LRCH3: variants seen among roughly 807,000 people sequenced by gnomAD.
LRCH3 encodes leucine rich repeats and calponin homology domain containing 3.
Under a neutral mutation model 104.5 loss-of-function variants are expected in LRCH3, and 68 were observed. The observed-to-expected ratio is 0.65, with a 90% CI of 0.54 to 0.80. The LOEUF (loss-of-function observed/expected upper bound fraction) is 0.80. Among genes scored for constraint, LRCH3 ranks in the 30% least tolerant of loss-of-function variants. LRCH3 has a pLI of 0.00. For missense variants in LRCH3, 951 were observed against 953.9 expected (o/e 1.00, Z 0.04); for synonymous variants, 344 against 361.3 (o/e 0.95, Z 0.54).
intron 9 of LRCH3, 81 bp downstream of exon 9, chr3:197,835,903 A>C: frequency 6.9e-7 from 1 of 1,446,936 alleles, no homozygotes; most frequent in Non-Finnish European, 9.4e-7. Flanking sequence ...TTGTTATATC[A>C]GTGATTTGTT....
chr3:197,834,887 T>C lies in LRCH3; in HGVS notation c.1103-787T>C, dbSNP rs569500419. On this transcript the variant is annotated intron_variant, in intron 8 of 20. Coordinates refer to ENST00000425562, the MANE Select transcript of LRCH3 (RefSeq NM_001365715.1). ...TGCCAGGCACGTTGGCTGATGCCTG[T>C]AATCCCAGCACTTTGGGTGGCCACA... is the stretch of plus-strand genomic sequence containing the variant. 3.7e-4 allele frequency among the ~76,000 whole-genome samples: 57 copies of C among 152,340 alleles called. 1 individual carries two copies. Among genetic ancestry groups the C allele is most frequent in the Non-Finnish European group, 2.4e-4 (16 of 68,026 alleles).
At chr3:197,795,020 A>C (rs989994853) in intron 1 of LRCH3, among the ~76,000 whole-genome samples, 1 of 152,160 alleles carries the variant, frequency 6.6e-6, no homozygotes, top group African/African-American at 2.4e-5. Flanking sequence ...AAAAGAAAAA[A>C]AAATATTAAT....
intron 20 of LRCH3, chr3:197,881,785 G>C (rs1350416752): frequency 4.1e-6 from 4 of 985,470 alleles, no homozygotes; most frequent in African/African-American, 3.5e-5. Context: ...TGTGAAGAGA[G>C]ATTGTGAGGA....
chr3:197,843,741 G>A (rs1253474306), intron 10 of LRCH3, among the ~76,000 whole-genome samples: 1 of 152,124 alleles, frequency 6.6e-6, no homozygotes, highest in Non-Finnish European at 1.5e-5. Flanking sequence ...GCTCAAGTAA[G>A]TTCAAGATTT....
intron 20 of LRCH3, chr3:197,880,971 C>T: frequency 1.5e-6 from 2 of 1,340,580 alleles, no homozygotes; most frequent in Non-Finnish European, 1.9e-6. Flanking sequence ...TGGCCTGTGG[C>T]CTTGTTTCTC....
intron 10 of LRCH3, among the ~76,000 whole-genome samples, chr3:197,843,651 G>A (rs181966479): frequency 8.5e-5 from 13 of 152,068 alleles, no homozygotes; most frequent in Admixed American, 7.9e-4. Context: ...GCCCCTGCAC[G>A]CCAGCCTGGG....
At position 197,854,515 on chromosome 3, in the gene LRCH3, A is replaced by C. The variant is rs1740016240; in HGVS notation, c.1644+70A>C. ...AGATTGTACTTTTTATTCAGAAACTATCTAAATACCATAAAACATGATGAA... is the reference window on the plus strand; with the variant it reads ...AGATTGTACTTTTTATTCAGAAACTCTCTAAATACCATAAAACATGATGAA... On this transcript the variant is annotated intron_variant, in intron 14 of 20. Transcript: ENST00000425562. This position sits in a 1 kb window ranked among gnomAD's most constrained non-coding sequence, Gnocchi z 4.5. 2 of 1,348,724 alleles carry C rather than the reference A, an allele frequency of 1.5e-6. No homozygotes were observed. Among genetic ancestry groups the C allele is most frequent in the Non-Finnish European group, 2.1e-6 (2 of 938,218 alleles). The allele number at this position is 1,348,724 out of a possible 1,614,324, so 83.5% of individuals were successfully genotyped here.
chr3:197,802,545 C>G (rs1036601854), intron 1 of LRCH3, among the ~76,000 whole-genome samples: 5 of 152,012 alleles, frequency 3.3e-5, no homozygotes, highest in African/African-American at 4.8e-5. Context: ...TGGAAGTATT[C>G]CCTTCTCTTT....
intron 1 of LRCH3, among the ~76,000 whole-genome samples, chr3:197,804,143 G>T (rs1443201111): frequency 1.3e-5 from 2 of 151,904 alleles, no homozygotes; most frequent in Non-Finnish European, 2.9e-5. Context: ...CCTCTAGTTA[G>T]TTCTAGGTAC....
chr3:197,881,352 G>A (rs139440662), intron 20 of LRCH3: 87 of 988,168 alleles, frequency 8.8e-5, no homozygotes, highest in Non-Finnish European at 8.8e-5. Context: ...TCAGTTTGAA[G>A]ATCACCCACA....
chr3:197,878,102 G>C (rs896980525), intron 20 of LRCH3, among the ~76,000 whole-genome samples: 1 of 152,132 alleles, frequency 6.6e-6, no homozygotes, highest in Non-Finnish European at 1.5e-5. Flanking sequence ...TTTAAACAAA[G>C]AGAGTATGGC....
At chr3:197,823,449 A>G (rs1734737790) in intron 4 of LRCH3, 1 of 151,382 alleles carries the variant, frequency 6.6e-6, no homozygotes, top group African/African-American at 2.4e-5. Flanking sequence ...CCTGCACACC[A>G]ATTTCAATGG....
chr3:197,870,586 G>A (rs542121024), intron 18 of LRCH3, among the ~76,000 whole-genome samples: 10 of 152,260 alleles, frequency 6.6e-5, no homozygotes, highest in African/African-American at 1.7e-4. Context: ...GGCTGGTCTC[G>A]AACTCCTGAC....
rs564397251 is a variant in LRCH3 at position 197,823,641 on chromosome 3, A to G, written c.640+3211A>G. Among the ~76,000 whole-genome samples the G allele has an allele frequency of 8.6e-5, 13 of 152,046 alleles. No individual in the cohort carries two copies. The East Asian group carries it at 1.9e-3, about 23-fold the overall frequency. On this transcript the variant is annotated intron_variant, in intron 4 of 20. Transcript: ENST00000425562. ...GTAGCTGGGACTGCAGACATGCACCATCACACCCAGAAAATTTTGTATTGT... is the reference window on the plus strand; with the variant it reads ...GTAGCTGGGACTGCAGACATGCACCGTCACACCCAGAAAATTTTGTATTGT...
In LRCH3 at chr3:197,887,626, C is replaced by T. The variant is rs1714323499; in HGVS notation, c.*3960C>T. ...CTAGCAGAGCCCTTCCCATCACTGA[C>T]AGTGTCTGGGGCTGAGAGCCCCCCC... is the stretch of plus-strand genomic sequence containing the variant. On this transcript the variant is annotated 3_prime_UTR_variant, in exon 21 of 21. Coordinates refer to ENST00000425562, the MANE Select transcript of LRCH3 (RefSeq NM_001365715.1). 1 of 144,690 alleles carries T rather than the reference C, an allele frequency of 6.9e-6. No homozygotes were observed. Among genetic ancestry groups the T allele is most frequent in the Non-Finnish European group, 1.5e-5 (1 of 67,048 alleles). 9.0% of individuals were successfully genotyped at this position (144,690 alleles called of 1,614,324 possible).
intron 12 of LRCH3, chr3:197,850,612 C>T (rs1433383115): frequency 8.9e-6 from 14 of 1,581,156 alleles, no homozygotes; most frequent in Middle Eastern, 2.3e-4. Flanking sequence ...TGGATATGCT[C>T]AATGACCAGA....
chr3:197,835,004 C>T (rs1007052343), intron 8 of LRCH3, among the ~76,000 whole-genome samples: 8 of 151,898 alleles, frequency 5.3e-5, no homozygotes, highest in East Asian at 1.9e-4. Context: ...GTTAGCCGGG[C>T]GTGGTGGTGC....
At position 197,859,143 on chromosome 3, in the gene LRCH3, C is replaced by G; in HGVS notation, c.1716+238C>G. 6.2e-6 allele frequency: 3 copies of G among 483,352 alleles called. No homozygotes were observed. The South Asian group carries it at 7.9e-5, about 13-fold the overall frequency. The allele number at this position is 483,352 out of a possible 1,614,324, so 29.9% of individuals were successfully genotyped here. A position where few individuals can be genotyped will look rare whatever the true frequency, so the allele number is the denominator to read the frequency against. ...TATTCAGATTGTTTGATGTGTCATT[C>G]TGATTTTTTTATCAAAGGTGTTTTT... On this transcript the variant is annotated intron_variant, in intron 15 of 20. Transcript: ENST00000425562.
At chr3:197,867,874 C>CA (rs1335259955) in intron 17 of LRCH3, among the ~76,000 whole-genome samples, 1 of 151,260 alleles carries the variant, frequency 6.6e-6, no homozygotes, top group Non-Finnish European at 1.5e-5. Flanking sequence ...AACAAACAAA[C>CA]AAAAAAAGGC....
Sources: allele counts gnomAD v4.1 joint callset (sites outside exome capture counted in the v4.1 genomes callset), GRCh38; gene constraint gnomAD v4.1.1; non-coding constraint Gnocchi (gnomAD v3.1); transcripts MANE v1.5; gene names NCBI Gene and HGNC (gene_info 2026-07-23, HGNC 2026-07-21).